Variants in GYG2 observed in about 807,000 individuals in gnomAD.
GYG2 encodes glycogenin-2.
A neutral mutation model predicts 29.4 loss-of-function variants in GYG2; 29 were observed. The ratio of observed to expected loss-of-function variants is 0.99; its 90% CI spans 0.74 to 1.35. GYG2 has a LOEUF of 1.35. GYG2 is among the 40% of genes most tolerant of loss of function. The pLI is 0.00. For synonymous variants in GYG2, 167 were observed against 172.3 expected (o/e 0.97, Z 0.24); for missense variants, 370 against 385.7 (o/e 0.96, Z 0.34).
chrX:2,829,951 A>T (rs762327710), intron 1 of GYG2, 110 bp from the exon 2 acceptor site: 1 of 398,451 alleles, frequency 2.5e-6, no homozygotes, highest in East Asian at 4.2e-5. Context: ...GCATCGGGGG[A>T]GGCAGGGGCC....
In GYG2 at chrX:2,877,388, A is replaced by G. The variant is rs2088627727; in HGVS notation, c.1251+81A>G. 4.4e-6 allele frequency: 5 copies of G among 1,131,019 alleles called. No individual in the cohort carries two copies. In the South Asian group the frequency reaches 1.1e-4, roughly 24 times the overall value. 93.2% of individuals were successfully genotyped at this position (1,131,019 alleles called of 1,213,427 possible). ...CACTGAGGTCAACTGCATGCACACA[A>G]CAGCTGTTAATTTTTCAGCCTCATT... On this transcript the variant is annotated intron_variant, in intron 10 of 10. Transcript: ENST00000398806.
At chrX:2,878,904 A>G (rs1204183339) in intron 10 of GYG2, among the ~76,000 whole-genome samples, 1 of 112,048 alleles carries the variant, frequency 8.9e-6, no homozygotes, top group Non-Finnish European at 1.9e-5. Context: ...GAAAACTAGT[A>G]TAAGGTTGGG....
intron 8 of GYG2, among the ~76,000 whole-genome samples, chrX:2,875,144 G>A (rs1271628446): frequency 8.9e-6 from 1 of 111,986 alleles, no homozygotes; most frequent in Non-Finnish European, 1.9e-5. Flanking sequence ...AGCTGGGGTG[G>A]CCAAGGTATC....
chrX:2,878,942 C>T (rs908358201), intron 10 of GYG2, among the ~76,000 whole-genome samples: 4 of 112,004 alleles, frequency 3.6e-5, no homozygotes, highest in African/African-American at 1.3e-4. Flanking sequence ...ATTCCAGAAA[C>T]ATTTCATTCT....
At chrX:2,853,349 T>A in intron 3 of GYG2, among the ~76,000 whole-genome samples, 2 of 110,665 alleles carry the variant, frequency 1.8e-5, no homozygotes, top group Middle Eastern at 4.7e-3. Flanking sequence ...TAGCTGGGAC[T>A]ACAGGCGCCA....
In GYG2 at chrX:2,854,112, C is replaced by T; in HGVS notation, c.282C>T (p.Leu94=). The T allele has an allele frequency of 1.2e-5, 15 of 1,204,382 alleles. No homozygotes were observed. The highest frequency in any genetic ancestry group is 1.6e-5 in the Non-Finnish European group (14 of 890,401). ...LTLTKLHCWT[L]THYSKCVFLD... is the part of the protein sequence containing the mutation. ...TCACCAAGCTTCACTGTTGGACTCT[C>T]ACTCACTACAGCAAGTGTGTCTTCC... Residue 94 remains leucine (L), a synonymous_variant, in exon 4 of 11, where the codon CTC becomes CTT. Transcript: ENST00000398806.
intron 3 of GYG2, among the ~76,000 whole-genome samples, chrX:2,844,616 G>A (rs2087596790): frequency 3.8e-5 from 1 of 26,530 alleles, no homozygotes; most frequent in Non-Finnish European, 6.2e-5. Context: ...ATGCGTATAT[G>A]TGTATACGCA....
At chrX:2,876,880 T>C (rs1019866327) in intron 9 of GYG2, among the ~76,000 whole-genome samples, 19 of 109,630 alleles carry the variant, frequency 1.7e-4, no homozygotes, top group South Asian at 1.2e-3. Flanking sequence ...ACCCGGGAGG[T>C]GGAGCTTGCA....
chrX:2,852,658 C>T (rs1223694265), intron 3 of GYG2: 1 of 112,095 alleles, frequency 8.9e-6, no homozygotes, highest in Non-Finnish European at 1.9e-5. Flanking sequence ...TTACATTTCT[C>T]TGCCTCTGCA....
intron 8 of GYG2, 51 bp downstream of exon 8, chrX:2,861,773 TGAGAGAGCAGA>T (rs774230592): frequency 3.1e-6 from 3 of 976,901 alleles, no homozygotes; most frequent in East Asian, 3.3e-5. Context: ...TGGCTCGCAG[TGAGAGAGCAGA>T]GAGAGCCGGC....
intron 9 of GYG2, among the ~76,000 whole-genome samples, chrX:2,876,233 C>T (rs2088597435): frequency 9.1e-6 from 1 of 109,755 alleles, no homozygotes; most frequent in Admixed American, 9.8e-5. Context: ...AAAGATACAG[C>T]GTCTATATAG....
At chrX:2,868,336 T>G (rs1156456423) in intron 8 of GYG2, among the ~76,000 whole-genome samples, 1 of 107,142 alleles carries the variant, frequency 9.3e-6, no homozygotes, top group Non-Finnish European at 1.9e-5. Context: ...GGTGAAACCC[T>G]GTCTCTGCTA....
In GYG2 at chrX:2,861,618, G is replaced by A; in HGVS notation, c.934G>A (p.Ala312Thr). The A allele has an allele frequency of 8.3e-7, 1 of 1,206,918 alleles. No homozygotes were observed. The highest frequency in any genetic ancestry group is 1.7e-5 in the African/African-American group (1 of 57,774). Residue 312 changes from alanine (A) to threonine (T), a missense_variant, in exon 8 of 11, where the codon GCA becomes ACA. Transcript: ENST00000398806. ...NSTPSAGVPC[A>T]NSPLGSNQPA... ...AACACCCAGTGCGGGCGTGCCGTGTGCAAATTCACCACTGGGTTCTAACCA... is the reference window on the plus strand; with the variant it reads ...AACACCCAGTGCGGGCGTGCCGTGTACAAATTCACCACTGGGTTCTAACCA...
At chrX:2,838,754 G>A (rs751033203) in intron 2 of GYG2, among the ~76,000 whole-genome samples, 4 of 105,414 alleles carry the variant, frequency 3.8e-5, no homozygotes, top group East Asian at 3.1e-4. Flanking sequence ...CTGTTATTTC[G>A]TTTTCATTTC....
chrX:2,851,400 C>T (rs1341828010), intron 3 of GYG2, among the ~76,000 whole-genome samples: 1 of 111,349 alleles, frequency 9.0e-6, no homozygotes, highest in South Asian at 3.8e-4. Context: ...CCCGCCACCG[C>T]ACCCGGCTAG....
chrX:2,879,468 A>T (rs777831336), intron 10 of GYG2, among the ~76,000 whole-genome samples: 14 of 110,990 alleles, frequency 1.3e-4, no homozygotes, highest in Non-Finnish European at 1.9e-4. Flanking sequence ...GGGTTTCACC[A>T]TGTTGGCCGG....
intron 3 of GYG2, among the ~76,000 whole-genome samples, chrX:2,845,095 ATT>A (rs1173586548): frequency 1.4e-5 from 1 of 69,094 alleles, no homozygotes; most frequent in African/African-American, 9.1e-5. Flanking sequence ...GTGTATGTAT[ATT>A]TATATACACG....
intron 10 of GYG2, among the ~76,000 whole-genome samples, chrX:2,879,900 T>C (rs1022919365): frequency 1.8e-5 from 2 of 110,264 alleles, no homozygotes; most frequent in Admixed American, 1.9e-4. Flanking sequence ...ATAAATAGAA[T>C]GGATGGACAG....
chrX:2,862,077 G>A (rs866133403), intron 8 of GYG2, among the ~76,000 whole-genome samples: 1 of 56,637 alleles, frequency 1.8e-5, no homozygotes, highest in African/African-American at 4.4e-5. Context: ...AAAGAAGAAG[G>A]TGGAAGTGTG....
Sources: allele counts gnomAD v4.1 joint callset (sites outside exome capture counted in the v4.1 genomes callset), GRCh38; gene constraint gnomAD v4.1.1; transcripts MANE v1.5; gene names NCBI Gene and HGNC (gene_info 2026-07-23, HGNC 2026-07-21).